Variants in CYP2C19 observed in about 807,000 individuals in gnomAD.
The protein encoded by CYP2C19 is cytochrome P450 2C19.
CYP2C19 carries 59 observed loss-of-function variants against 40.9 expected under a neutral mutation model. That is an observed-to-expected ratio of 1.44 (90% CI 1.17 to 1.79). The LOEUF (loss-of-function observed/expected upper bound fraction) is 1.79, where lower values mean the gene tolerates loss of function less well. Among genes scored for constraint, CYP2C19 ranks in the 40% most tolerant of loss-of-function variants. The pLI is 0.00. For synonymous variants in CYP2C19, 253 were observed against 208.7 expected, an observed-to-expected ratio of 1.21 and a Z score of -1.83; for missense variants, 754 against 596.9, an observed-to-expected ratio of 1.26 and a Z score of -2.74.
intron 6 of CYP2C19, among the ~76,000 whole-genome samples, chr10:94,830,544 C>G (rs981303634): frequency 6.6e-6 from 1 of 152,174 alleles, no homozygotes; most frequent in African/African-American, 2.4e-5. Flanking sequence ...CACTGACCTG[C>G]GCCCACTGTC....
rs776570369 is a variant in CYP2C19 at position 94,842,969 on chromosome 10, G to GCCTGC, written c.1097_1101dup (p.His368CysfsTer5). ...AGATACATCGACCTCATCCCCACCAGCCTGCCCCATGCAGTGACCTGTGAC... is the reference window on the plus strand; with the variant it reads ...AGATACATCGACCTCATCCCCACCAGCCTGCCCTGCCCCATGCAGTGACCTGTGAC... On this transcript the variant is annotated frameshift_variant, in exon 7 of 9. Coordinates refer to ENST00000371321, the MANE Select transcript of CYP2C19 (RefSeq NM_000769.4). LOFTEE classifies it high-confidence loss of function. 4 of 1,614,182 alleles carry GCCTGC rather than the reference G, an allele frequency of 2.5e-6. No individual in the cohort carries two copies. In the South Asian group the frequency reaches 4.4e-5, roughly 18 times the overall value.
chr10:94,838,887 C>T (rs1337349624), intron 6 of CYP2C19, among the ~76,000 whole-genome samples: 2 of 152,054 alleles, frequency 1.3e-5, no homozygotes, highest in Non-Finnish European at 2.9e-5. Context: ...GGTTTCTCCC[C>T]CTTGAAGAGG....
intron 1 of CYP2C19, among the ~76,000 whole-genome samples, chr10:94,772,771 C>T (rs533274880): frequency 5.3e-5 from 8 of 152,244 alleles, no homozygotes; most frequent in African/African-American, 1.7e-4. Context: ...GTCTGGTGGC[C>T]ACATTGGTCA....
intron 5 of CYP2C19, among the ~76,000 whole-genome samples, chr10:94,786,081 A>C (rs1848536217): frequency 6.6e-6 from 1 of 151,852 alleles, no homozygotes; most frequent in Non-Finnish European, 1.5e-5. Context: ...CTCTCTCACA[A>C]GAAGCTGCTC....
chr10:94,853,685 A>G lies in CYP2C19; in HGVS notation c.*771A>G, dbSNP rs1849689413. On this transcript the variant is annotated 3_prime_UTR_variant, in exon 9 of 9. Coordinates refer to ENST00000371321, the MANE Select transcript of CYP2C19 (RefSeq NM_000769.4). ...CTCAGCCTCCTGAGTAGCTGGGATT[A>G]CAGACACGTGCCACCATGCCTGGCT... Among the ~76,000 whole-genome samples the G allele has an allele frequency of 6.6e-6, 1 of 151,506 alleles. No individual in the cohort carries two copies. Among genetic ancestry groups the G allele is most frequent in the African/African-American group, 2.4e-5 (1 of 41,208 alleles).
At chr10:94,777,464 A>C (rs1442601969) in intron 3 of CYP2C19, among the ~76,000 whole-genome samples, 1 of 152,078 alleles carries the variant, frequency 6.6e-6, no homozygotes, top group Non-Finnish European at 1.5e-5. Flanking sequence ...ATATAGAACA[A>C]TGGAACAGAA....
At chr10:94,799,142 G>A (rs1414652294) in intron 5 of CYP2C19, among the ~76,000 whole-genome samples, 1 of 151,950 alleles carries the variant, frequency 6.6e-6, no homozygotes, top group Non-Finnish European at 1.5e-5. Flanking sequence ...GGCTCGTATG[G>A]TTTGTTCCTT....
chr10:94,816,271 TA>T (rs1370235888), intron 5 of CYP2C19, among the ~76,000 whole-genome samples: 6 of 150,154 alleles, frequency 4.0e-5, no homozygotes, highest in African/African-American at 1.2e-4. Flanking sequence ...TTTTTATTTT[TA>T]TTTTTTTTAT....
At chr10:94,814,191 A>T (rs138056307) in intron 5 of CYP2C19, among the ~76,000 whole-genome samples, 3,911 of 151,390 alleles carry the variant, frequency 0.026, 83 homozygotes, top group Non-Finnish European at 0.043. Flanking sequence ...TTCTTCATTG[A>T]TCTCGCTGGG....
chr10:94,768,106 G>A (rs1371160285), intron 1 of CYP2C19, among the ~76,000 whole-genome samples: 2 of 152,156 alleles, frequency 1.3e-5, no homozygotes, highest in South Asian at 2.1e-4. Context: ...TTCTCCAGAG[G>A]TTAGGAACTT....
At chr10:94,772,506 T>C (rs1848347732) in intron 1 of CYP2C19, among the ~76,000 whole-genome samples, 2 of 151,956 alleles carry the variant, frequency 1.3e-5, no homozygotes, top group South Asian at 4.1e-4. Flanking sequence ...GAGGCAAGGG[T>C]CAGGATAGCT....
chr10:94,764,981 A>T (rs531576956), intron 1 of CYP2C19, among the ~76,000 whole-genome samples: 1 of 152,254 alleles, frequency 6.6e-6, no homozygotes, highest in South Asian at 2.1e-4. Context: ...TGTAAAAATT[A>T]TACTCTTCCC....
At chr10:94,770,672 T>C (rs1306529566) in intron 1 of CYP2C19, among the ~76,000 whole-genome samples, 1 of 151,994 alleles carries the variant, frequency 6.6e-6, no homozygotes, top group East Asian at 1.9e-4. Flanking sequence ...GACAGGGGAG[T>C]ATATTTTCTT....
At chr10:94,850,082 G>C (rs1440101035) in intron 8 of CYP2C19, 24 bp downstream of exon 8, 9 of 1,612,456 alleles carry the variant, frequency 5.6e-6, no homozygotes, top group Non-Finnish European at 7.6e-6. Context: ...ATTTCCCTTT[G>C]TGTTTCAGGG....
chr10:94,833,062 G>T (rs764112421), intron 6 of CYP2C19, among the ~76,000 whole-genome samples: 12 of 151,874 alleles, frequency 7.9e-5, no homozygotes, highest in Non-Finnish European at 1.0e-4. Flanking sequence ...TTTTCTCATT[G>T]TTCACTGTTG....
chr10:94,762,795 T>C lies in CYP2C19; in HGVS notation c.90T>C (p.Pro30=). 6.2e-7 allele frequency: 1 copy of C among 1,613,356 alleles called. No homozygotes were observed. Among genetic ancestry groups the C allele is most frequent in the Non-Finnish European group, 8.5e-7 (1 of 1,179,362 alleles). The change falls in exon 1 of 9, where the codon CCT becomes CCC. Residue 30 remains proline, a synonymous_variant. Transcript: ENST00000371321. ...WRQSSGRGKL[P]PGPTPLPVIG... ...AGAGCTCTGGGAGAGGAAAACTCCC[T>C]CCTGGCCCCACTCCTCTCCCAGTGA...
At chr10:94,788,142 T>A (rs1848566250) in intron 5 of CYP2C19, among the ~76,000 whole-genome samples, 1 of 151,966 alleles carries the variant, frequency 6.6e-6, no homozygotes, top group Non-Finnish European at 1.5e-5. Context: ...ATGGCTATTT[T>A]AAATGGGATG....
chr10:94,781,257 A>C (rs1462877423), intron 4 of CYP2C19, among the ~76,000 whole-genome samples: 1 of 152,114 alleles, frequency 6.6e-6, no homozygotes, highest in Non-Finnish European at 1.5e-5. Flanking sequence ...CCTGTGCTGA[A>C]TTGGCATGTT....
intron 1 of CYP2C19, among the ~76,000 whole-genome samples, chr10:94,769,030 A>G (rs1220816234): frequency 1.3e-5 from 2 of 151,766 alleles, no homozygotes; most frequent in Admixed American, 6.6e-5. Flanking sequence ...AATGCCCACA[A>G]TTGTTTTAAT....
Sources: gnomAD v4.1 joint callset for allele counts (sites outside exome capture counted in the v4.1 genomes callset) on GRCh38, gnomAD v4.1.1 for gene constraint, MANE v1.5 for transcripts, NCBI Gene and HGNC (gene_info 2026-07-23, HGNC 2026-07-21) for gene names.